Variants in IL5RA observed in about 807,000 individuals in gnomAD.
The protein encoded by IL5RA is interleukin-5 receptor subunit alpha.
A neutral mutation model predicts 50.0 loss-of-function variants in IL5RA; 49 were observed. That is an observed-to-expected ratio of 0.98 (90% confidence interval 0.78 to 1.24). IL5RA has a LOEUF of 1.24. Among genes scored for constraint, IL5RA ranks in the 50% most tolerant of loss-of-function variants. The pLI is 0.00. For synonymous variants in IL5RA, 202 were observed against 174.0 expected, an observed-to-expected ratio of 1.16 and a Z score of -1.26; for missense variants, 600 against 500.4, an observed-to-expected ratio of 1.20 and a Z score of -1.90.
chr3:3,068,951 T>C lies in IL5RA; in HGVS notation c.*1274A>G, dbSNP rs550940246. On this transcript the variant is annotated 3_prime_UTR_variant, in exon 12 of 12. Coordinates refer to ENST00000446632, the MANE Select transcript of IL5RA (RefSeq NM_175726.4). ...TCAACCCTCTGCTAGTTACAGTGGA[T>C]AATTACAGGTTAGTTAAGAAAACAA... 4 of 152,352 alleles carry C rather than the reference T, an allele frequency of 2.6e-5. No homozygotes were observed. In the East Asian group the frequency reaches 7.7e-4, roughly 29 times the overall value. The allele number at this position is 152,352 out of a possible 1,614,324, so 9.4% of individuals were successfully genotyped here.
At chr3:3,073,328 C>T (rs973894947) in intron 11 of IL5RA, among the ~76,000 whole-genome samples, 2 of 151,856 alleles carry the variant, frequency 1.3e-5, no homozygotes, top group Admixed American at 1.3e-4. Flanking sequence ...CCTAAATTTG[C>T]TAAGAAAACT....
At position 3,068,745 on chromosome 3, in the gene IL5RA, C is replaced by G. The variant is rs1455334795; in HGVS notation, c.*1480G>C. 6.6e-6 allele frequency: 1 copy of G among 152,194 alleles called. No individual in the cohort carries two copies. Among genetic ancestry groups the G allele is most frequent in the Non-Finnish European group, 1.5e-5 (1 of 68,046 alleles). 9.4% of individuals were successfully genotyped at this position (152,194 alleles called of 1,614,324 possible). ...GGCCTCAGCTTTCCCTGACACTCCT[C>G]TGCACATTTCTGGGGTCACTTTTAC... On this transcript the variant is annotated 3_prime_UTR_variant, in exon 12 of 12. Coordinates refer to ENST00000446632, the MANE Select transcript of IL5RA (RefSeq NM_175726.4).
intron 9 of IL5RA, among the ~76,000 whole-genome samples, chr3:3,085,062 G>T (rs997380864): frequency 6.6e-6 from 1 of 152,244 alleles, no homozygotes; most frequent in African/African-American, 2.4e-5. Context: ...AGGCTAGTGG[G>T]ATGACCACAG....
intron 2 of IL5RA, among the ~76,000 whole-genome samples, chr3:3,106,700 TAAG>T (rs945424257): frequency 3.3e-5 from 5 of 152,144 alleles, no homozygotes; most frequent in African/African-American, 4.8e-5. Context: ...AAAAATTCCT[TAAG>T]AACAGCAACA....
chr3:3,087,415 C>G (rs2125966222), intron 9 of IL5RA, among the ~76,000 whole-genome samples: 1 of 152,252 alleles, frequency 6.6e-6, no homozygotes. Flanking sequence ...TCCCAGCTCA[C>G]CTTATCTCAT....
rs781328666 is a variant in IL5RA, at chr3:3,098,006, C to T, written c.573G>A (p.Gly191=). The change falls in exon 7 of 12, where the codon GGG becomes GGA. Residue 191 remains glycine (G), a synonymous_variant. Transcript: ENST00000446632. ...TGGGAAACCAGCATGCGATATTTCT[C>T]CCCAGTGTGTCTTTGCTGTATTCTT... The part of the protein sequence containing the change: ...ECQEYSKDTL[G]RNIACWFPRT... 1.2e-6 allele frequency: 2 copies of T among 1,614,184 alleles called. No individual in the cohort carries two copies. The highest frequency in any genetic ancestry group is 1.3e-5 in the African/African-American group (1 of 75,038).
rs1182555426 is a variant in IL5RA, at chr3:3,071,404, G to T, written c.1177-1093C>A. On this transcript the variant is annotated intron_variant, in intron 11 of 11. Transcript: ENST00000446632. ...TTTGGGAGGCTGAAGCAGGCGCATAGCTTGAGCCCAGGAGTTGGAGACCAG... is the reference window on the plus strand; with the variant it reads ...TTTGGGAGGCTGAAGCAGGCGCATATCTTGAGCCCAGGAGTTGGAGACCAG... 2.6e-5 allele frequency among the ~76,000 whole-genome samples: 4 copies of T among 152,208 alleles called. No individual in the cohort carries two copies. The South Asian group carries it at 6.2e-4, about 24-fold the overall frequency.
Position 3,070,089 on chromosome 3 carries a change from C to G in IL5RA, c.*136G>C, listed in dbSNP as rs867658609. ...TTTAAGAGATACAAGACTGGTGTGT[C>G]TGGGTGTATTGCTTCGCAGGTAAAT... is the stretch of plus-strand genomic sequence containing the variant. On this transcript the variant is annotated 3_prime_UTR_variant, in exon 12 of 12. Coordinates refer to ENST00000446632, the MANE Select transcript of IL5RA (RefSeq NM_175726.4). The G allele has an allele frequency of 2.6e-5, 17 of 666,306 alleles. No homozygotes were observed. In the South Asian group the frequency reaches 3.0e-4, roughly 12 times the overall value. The allele number at this position is 666,306 out of a possible 1,614,324, so 41.3% of individuals were successfully genotyped here.
chr3:3,099,473 A>G (rs1703532963), intron 5 of IL5RA, among the ~76,000 whole-genome samples: 2 of 152,190 alleles, frequency 1.3e-5, no homozygotes, highest in African/African-American at 2.4e-5. Context: ...TACAAAAAAT[A>G]CAAAAATTAG....
chr3:3,082,318 G>A (rs1702696047), intron 9 of IL5RA, among the ~76,000 whole-genome samples: 1 of 152,170 alleles, frequency 6.6e-6, no homozygotes, highest in Non-Finnish European at 1.5e-5. Flanking sequence ...CTGACTCAAG[G>A]AGAATACCTT....
intron 9 of IL5RA, among the ~76,000 whole-genome samples, chr3:3,084,738 G>A (rs1019634100): frequency 3.3e-5 from 5 of 152,228 alleles, no homozygotes; most frequent in African/African-American, 9.6e-5. Context: ...TTCCAAACCC[G>A]GATGTCCCAC....
rs11926036 is a variant in IL5RA at position 3,074,133 on chromosome 3, G to A, written c.1176+649C>T. On this transcript the variant is annotated intron_variant, in intron 11 of 11. Transcript: ENST00000446632. ...GCTGAACCTAAGCGCTCTGAATGGTGAACAGGCCTAAGAAAATGCATATTG... is the reference window on the plus strand; with the variant it reads ...GCTGAACCTAAGCGCTCTGAATGGTAAACAGGCCTAAGAAAATGCATATTG... Among the ~76,000 whole-genome samples, 868 of 152,350 alleles carry A rather than the reference G, an allele frequency of 5.7e-3. 7 individuals carry two copies. Among genetic ancestry groups the A allele is most frequent in the African/African-American group, 0.02 (827 of 41,580 alleles).
At chr3:3,083,081 T>C in intron 9 of IL5RA, among the ~76,000 whole-genome samples, 1 of 152,188 alleles carries the variant, frequency 6.6e-6, no homozygotes, top group East Asian at 1.9e-4. Context: ...TATGGCAGTC[T>C]ATGATACAGG....
chr3:3,073,889 T>C (rs1399801193), intron 11 of IL5RA: 3 of 414,208 alleles, frequency 7.2e-6, no homozygotes, highest in Non-Finnish European at 1.4e-5. Flanking sequence ...AATGGTCTCG[T>C]GGTTTACGAT....
At chr3:3,073,704 T>A (rs1702377085) in intron 11 of IL5RA, 1 of 425,260 alleles carries the variant, frequency 2.4e-6, no homozygotes, top group Admixed American at 2.8e-5. Context: ...TAGATAAGAC[T>A]TAGGATGTCA....
intron 9 of IL5RA, chr3:3,090,188 C>T (rs1373740529): frequency 9.9e-6 from 16 of 1,608,404 alleles, no homozygotes; most frequent in Admixed American, 3.3e-5. Context: ...GCTATCCCTG[C>T]TGTTGTTTTT....
At chr3:3,078,830 G>A (rs913495215) in intron 9 of IL5RA, among the ~76,000 whole-genome samples, 14 of 83,014 alleles carry the variant, frequency 1.7e-4, no homozygotes, top group South Asian at 4.7e-4. Context: ...GCGAGACTCC[G>A]TCTCAAAAAA....
rs544928097 is a variant in IL5RA, at chr3:3,070,105, G to A, written c.*120C>T. ...CTGGTGTGTCTGGGTGTATTGCTTC[G>A]CAGGTAAATTGAGTGTTGCCTAAAT... On this transcript the variant is annotated 3_prime_UTR_variant, in exon 12 of 12. Coordinates refer to ENST00000446632, the MANE Select transcript of IL5RA (RefSeq NM_175726.4). 1.4e-4 allele frequency: 97 copies of A among 681,050 alleles called. No individual in the cohort carries two copies. Among genetic ancestry groups the A allele is most frequent in the Middle Eastern group, 5.2e-4 (2 of 3,876 alleles). The allele number at this position is 681,050 out of a possible 1,614,324, so 42.2% of individuals were successfully genotyped here.
In IL5RA at chr3:3,066,473, G is replaced by A. The variant is rs1469061824; in HGVS notation, c.*3752C>T. 6.6e-6 allele frequency: 1 copy of A among 152,124 alleles called. No individual in the cohort carries two copies. The highest frequency in any genetic ancestry group is 1.5e-5 in the Non-Finnish European group (1 of 68,030). The allele number at this position is 152,124 out of a possible 1,614,324, so 9.4% of individuals were successfully genotyped here. A position where few individuals can be genotyped will look rare whatever the true frequency, so the allele number is the denominator to read the frequency against. On this transcript the variant is annotated 3_prime_UTR_variant, in exon 12 of 12. Transcript: ENST00000446632. ...TGGTTTTGAAAAAATTTGCACCCTG[G>A]TACTCAATTTGAAGGATGTAGAAGC...
Sources: allele counts gnomAD v4.1 joint callset (sites outside exome capture counted in the v4.1 genomes callset), GRCh38; gene constraint gnomAD v4.1.1; transcripts MANE v1.5; gene names NCBI Gene and HGNC (gene_info 2026-07-23, HGNC 2026-07-21).